CTNND2: variants seen among roughly 807,000 people sequenced by gnomAD.
CTNND2 encodes catenin delta-2.
In CTNND2, 22 loss-of-function variants were observed where a neutral mutation model predicts 144.4. The observed-to-expected ratio is 0.15, with a 90% CI of 0.11 to 0.22. The LOEUF (loss-of-function observed/expected upper bound fraction) is 0.22, where lower values mean the gene tolerates loss of function less well. Among genes scored for constraint, CTNND2 ranks in the 10% least tolerant of loss-of-function variants. CTNND2 has a pLI of 1.00. For missense variants in CTNND2, 1,353 were observed against 1,618.8 expected (o/e 0.84, Z 2.82); for synonymous variants, 751 against 695.6 (o/e 1.08, Z -1.25).
chr5:11,506,827 C>T (rs1016326720), intron 3 of CTNND2, among the ~76,000 whole-genome samples: 2 of 152,190 alleles, frequency 1.3e-5, no homozygotes, highest in Admixed American at 6.5e-5. Context: ...CACTCTAACA[C>T]CTCAAATGTG....
intron 1 of CTNND2, among the ~76,000 whole-genome samples, chr5:11,816,179 C>T (rs893292087): frequency 5.9e-5 from 9 of 152,338 alleles, no homozygotes; most frequent in South Asian, 2.1e-4. Flanking sequence ...GCAGCCACCA[C>T]GCCCAGGGCG....
chr5:11,259,961 T>A (rs1049682851), intron 9 of CTNND2, among the ~76,000 whole-genome samples: 1 of 152,230 alleles, frequency 6.6e-6, no homozygotes, highest in African/African-American at 2.4e-5. Flanking sequence ...ACTCAGAAAT[T>A]GTCCTAAAAT....
chr5:11,421,440 A>G (rs1762356659), intron 3 of CTNND2, among the ~76,000 whole-genome samples: 1 of 152,118 alleles, frequency 6.6e-6, no homozygotes, highest in Non-Finnish European at 1.5e-5. Flanking sequence ...ATTGGCTTCG[A>G]GGCACCAAAC....
At chr5:11,650,536 G>A (rs1782594798) in intron 2 of CTNND2, among the ~76,000 whole-genome samples, 1 of 152,208 alleles carries the variant, frequency 6.6e-6, no homozygotes, top group Non-Finnish European at 1.5e-5. Flanking sequence ...GGGGTCAGAA[G>A]GAGACAGGAA....
chr5:11,283,351 C>T (rs1747358301), intron 9 of CTNND2, among the ~76,000 whole-genome samples: 2 of 151,958 alleles, frequency 1.3e-5, no homozygotes, highest in African/African-American at 2.4e-5. Context: ...ATGTCAACTT[C>T]CTCGCTACTG....
intron 5 of CTNND2, among the ~76,000 whole-genome samples, chr5:11,397,964 C>A (rs1053967365): frequency 1.3e-5 from 2 of 152,126 alleles, no homozygotes; most frequent in Admixed American, 6.5e-5. Flanking sequence ...CAAACATTTT[C>A]CCATTTTCTT....
chr5:11,891,753 T>C (rs546176434), intron 1 of CTNND2, among the ~76,000 whole-genome samples: 14 of 152,266 alleles, frequency 9.2e-5, no homozygotes, highest in Middle Eastern at 3.4e-3. Context: ...GAAATAAACG[T>C]TGTTTAAGCC....
chr5:11,572,420 T>C (rs1777633796), intron 2 of CTNND2, among the ~76,000 whole-genome samples: 1 of 152,188 alleles, frequency 6.6e-6, no homozygotes, highest in African/African-American at 2.4e-5. Context: ...GGGTCAATAA[T>C]ACAGAGAGAA....
At chr5:11,745,885 C>T (rs905694860) in intron 1 of CTNND2, among the ~76,000 whole-genome samples, 4 of 152,140 alleles carry the variant, frequency 2.6e-5, no homozygotes, top group African/African-American at 9.7e-5. Flanking sequence ...CCCAATTACA[C>T]ATAATCATGT....
intron 9 of CTNND2, among the ~76,000 whole-genome samples, chr5:11,294,147 C>T (rs1341708721): frequency 9.5e-5 from 14 of 147,260 alleles, no homozygotes; most frequent in African/African-American, 3.5e-4. Flanking sequence ...GTGACATCAA[C>T]TCGTACATAT....
chr5:11,520,818 C>G (rs1457189139), intron 3 of CTNND2, among the ~76,000 whole-genome samples: 1 of 152,130 alleles, frequency 6.6e-6, no homozygotes, highest in African/African-American at 2.4e-5. Context: ...CAACCATATG[C>G]CAGAGCTTAG....
intron 2 of CTNND2, among the ~76,000 whole-genome samples, chr5:11,656,700 A>C (rs1026378259): frequency 6.6e-5 from 10 of 152,156 alleles, no homozygotes; most frequent in African/African-American, 2.2e-4. Context: ...GAGCCACAAA[A>C]GATGCACAAC....
At chr5:11,470,630 G>C (rs149491584) in intron 3 of CTNND2, among the ~76,000 whole-genome samples, 2 of 151,630 alleles carry the variant, frequency 1.3e-5, no homozygotes, top group African/African-American at 4.9e-5. Context: ...TCTGTCCCAC[G>C]ACCCCCTCCA....
At chr5:11,080,405 A>G (rs1749423667) in intron 16 of CTNND2, among the ~76,000 whole-genome samples, 1 of 152,152 alleles carries the variant, frequency 6.6e-6, no homozygotes, top group Non-Finnish European at 1.5e-5. Context: ...GATTAGAAAA[A>G]CTGTATATAG....
intron 21 of CTNND2, among the ~76,000 whole-genome samples, chr5:10,980,974 G>A (rs528645085): frequency 2.6e-5 from 4 of 152,114 alleles, no homozygotes; most frequent in South Asian, 2.1e-4. Flanking sequence ...GAAAACCACC[G>A]TGGCACGTGT....
intron 1 of CTNND2, among the ~76,000 whole-genome samples, chr5:11,742,286 T>C (rs1788062435): frequency 6.6e-6 from 1 of 152,168 alleles, no homozygotes; most frequent in Non-Finnish European, 1.5e-5. Flanking sequence ...GGTCCCTTTT[T>C]ATCTTTTAGT....
chr5:11,738,240 G>A (rs72734949), intron 1 of CTNND2, among the ~76,000 whole-genome samples: 21,941 of 152,110 alleles, frequency 0.14, 1,778 homozygotes, highest in East Asian at 0.27. Flanking sequence ...TAAGCCTACA[G>A]AATAAAACAG....
chr5:11,545,374 T>A (rs1479625222), intron 3 of CTNND2, among the ~76,000 whole-genome samples: 3 of 150,870 alleles, frequency 2.0e-5, no homozygotes, highest in African/African-American at 7.3e-5. Context: ...AATGAGCCTA[T>A]AGAAAAGCTA....
intron 9 of CTNND2, among the ~76,000 whole-genome samples, chr5:11,307,004 G>T (rs553919554): frequency 6.6e-6 from 1 of 152,124 alleles, no homozygotes; most frequent in Admixed American, 6.5e-5. Context: ...AACATCCTAG[G>T]GGTGCAGGTT....
Sources: allele counts gnomAD v4.1 joint callset (sites outside exome capture counted in the v4.1 genomes callset), GRCh38; gene constraint gnomAD v4.1.1; transcripts MANE v1.5; gene names NCBI Gene and HGNC (gene_info 2026-07-23, HGNC 2026-07-21).